Variants in KIF2A observed in about 807,000 individuals in gnomAD.
KIF2A encodes kinesin family member 2A.
KIF2A carries 22 observed loss-of-function variants against 100.2 expected under a neutral mutation model. The observed-to-expected ratio is 0.22, with a 90% CI of 0.16 to 0.31. KIF2A has a LOEUF of 0.31. Among genes scored for constraint, KIF2A ranks in the 10% least tolerant of loss-of-function variants. KIF2A has a pLI of 1.00. For missense variants in KIF2A, 495 were observed against 898.7 expected, an observed-to-expected ratio of 0.55 and a Z score of 5.74; for synonymous variants, 268 against 285.9, an observed-to-expected ratio of 0.94 and a Z score of 0.63.
chr5:62,308,309 G>T, intron 1 of KIF2A: 8 of 1,373,756 alleles, frequency 5.8e-6, no homozygotes, highest in South Asian at 5.1e-5. Flanking sequence ...ATTTTTTTAG[G>T]TAAATACGAG....
chr5:62,374,255 C>G (rs903332172), intron 18 of KIF2A, among the ~76,000 whole-genome samples: 1 of 152,126 alleles, frequency 6.6e-6, no homozygotes, highest in Non-Finnish European at 1.5e-5. Context: ...CAAACTACAG[C>G]CTGTGGGCCA....
At chr5:62,367,291 G>C (rs1371213389) in intron 16 of KIF2A, among the ~76,000 whole-genome samples, 2 of 151,832 alleles carry the variant, frequency 1.3e-5, no homozygotes, top group Non-Finnish European at 2.9e-5. Flanking sequence ...TTTTGAGACA[G>C]AGTCTTGTTC....
rs1028491082 is a variant in KIF2A at position 62,312,011 on chromosome 5, C to G, written c.64+5475C>G. The G allele has an allele frequency of 5.9e-5, 9 of 152,232 alleles. 1 individual carries two copies. Among genetic ancestry groups the G allele is most frequent in the Admixed American group, 4.6e-4 (7 of 15,282 alleles). The allele number at this position is 152,232 out of a possible 1,614,324, so 9.4% of individuals were successfully genotyped here. A position where few individuals can be genotyped will look rare whatever the true frequency, so the allele number is the denominator to read the frequency against. On this transcript the variant is annotated intron_variant, in intron 1 of 20. Transcript: ENST00000407818. ...AAAGCCCGAATCCCTTCACTCCCAG[C>G]TCTCTAAGTGCTGCTGACAGATGTT... is the stretch of plus-strand genomic sequence containing the variant.
chr5:62,335,432 G>C (rs975416712), intron 1 of KIF2A, among the ~76,000 whole-genome samples: 17 of 152,142 alleles, frequency 1.1e-4, no homozygotes, highest in African/African-American at 4.1e-4. Flanking sequence ...CTGTCCCTCA[G>C]ATCCTCTTTG....
intron 4 of KIF2A, 110 bp from the exon 5 acceptor site, chr5:62,352,478 C>A: frequency 1.6e-6 from 1 of 637,230 alleles, no homozygotes; most frequent in Non-Finnish European, 2.6e-6. Flanking sequence ...TGGCAACTTA[C>A]TAATGTAACT....
chr5:62,376,605 G>A (rs1254773865), intron 18 of KIF2A, among the ~76,000 whole-genome samples: 1 of 151,940 alleles, frequency 6.6e-6, no homozygotes, highest in Non-Finnish European at 1.5e-5. Context: ...ATTTTTAGTA[G>A]AGACGGGGTT....
chr5:62,344,064 G>T (rs1396846249), intron 1 of KIF2A, among the ~76,000 whole-genome samples: 2 of 152,082 alleles, frequency 1.3e-5, no homozygotes, highest in African/African-American at 4.8e-5. Context: ...TGCAGTTACC[G>T]GCTGGGCGCA....
intron 1 of KIF2A, among the ~76,000 whole-genome samples, chr5:62,307,768 C>T (rs1287690227): frequency 1.3e-5 from 2 of 151,938 alleles, no homozygotes; most frequent in Admixed American, 1.3e-4. Flanking sequence ...CAGGCGTTGT[C>T]ACCACACCCA....
Position 62,363,654 on chromosome 5 carries a change from G to C in KIF2A, c.1263-41G>C, listed in dbSNP as rs116231822. On this transcript the variant is annotated intron_variant, in intron 13 of 20. Coordinates refer to ENST00000407818, the MANE Select transcript of KIF2A (RefSeq NM_001098511.3). ...ATAATGTGGTTTGAACATGTAAATTGAAGTTTTTAATGTATCAAGATGTCC... is the reference window on the plus strand; with the variant it reads ...ATAATGTGGTTTGAACATGTAAATTCAAGTTTTTAATGTATCAAGATGTCC... 1.3e-3 allele frequency: 1,976 copies of C among 1,526,292 alleles called. 28 individuals carry two copies. In the African/African-American group the frequency reaches 0.023, roughly 18 times the overall value. The allele number at this position is 1,526,292 out of a possible 1,614,324, so 94.5% of individuals were successfully genotyped here.
chr5:62,320,782 C>T (rs1200852789), intron 1 of KIF2A, among the ~76,000 whole-genome samples: 2 of 151,354 alleles, frequency 1.3e-5, no homozygotes, highest in African/African-American at 4.9e-5. Context: ...TAGTTTTAAC[C>T]TAATAAACCT....
At position 62,389,122 on chromosome 5, in the gene KIF2A, A is replaced by G. The variant is rs1485663022; in HGVS notation, c.*3553A>G. 1 of 1,279,986 alleles carries G rather than the reference A, an allele frequency of 7.8e-7. No individual in the cohort carries two copies. The highest frequency in any genetic ancestry group is 1.1e-6 in the Non-Finnish European group (1 of 902,656). 79.3% of individuals were successfully genotyped at this position (1,279,986 alleles called of 1,614,324 possible). ...GTAGCACATAACGGTATATAGTTCT[A>G]TACCATTAATACTAAAACATGAATA... On this transcript the variant is annotated 3_prime_UTR_variant, in exon 21 of 21. Coordinates refer to ENST00000407818, the MANE Select transcript of KIF2A (RefSeq NM_001098511.3).
intron 8 of KIF2A, 32 bp downstream of exon 8, chr5:62,357,777 T>G (rs1748189147): frequency 1.6e-6 from 2 of 1,244,004 alleles, no homozygotes; most frequent in African/African-American, 1.5e-5. Context: ...AATAAAAGAT[T>G]GATTTTATCT....
At chr5:62,317,941 G>C (rs1238558705) in intron 1 of KIF2A, among the ~76,000 whole-genome samples, 1 of 152,116 alleles carries the variant, frequency 6.6e-6, no homozygotes, top group Non-Finnish European at 1.5e-5. Context: ...CAAGACTTTA[G>C]ACAATTTAAA....
intron 1 of KIF2A, among the ~76,000 whole-genome samples, chr5:62,325,921 C>T (rs140490966): frequency 2.0e-5 from 3 of 152,242 alleles, no homozygotes; most frequent in Admixed American, 2.0e-4. Context: ...TAAGCTGGAG[C>T]TAAACATTGG....
intron 1 of KIF2A, among the ~76,000 whole-genome samples, chr5:62,337,760 A>G (rs533190417): frequency 1.4e-4 from 20 of 146,326 alleles, no homozygotes; most frequent in African/African-American, 5.1e-4. Context: ...GTAGTGAGCC[A>G]TGATCACACC....
rs553148285 is a variant in KIF2A at position 62,360,886 on chromosome 5, T to C, written c.873-356T>C. Among the ~76,000 whole-genome samples, 38 of 151,956 alleles carry C rather than the reference T, an allele frequency of 2.5e-4. No individual in the cohort carries two copies. The South Asian group carries it at 7.9e-3, about 31-fold the overall frequency. ...TGGTCTATAGATAATATTTTTGCAG[T>C]TTTTTTCCTCTATTAACTTTTTAAA... is the stretch of plus-strand genomic sequence containing the variant. On this transcript the variant is annotated intron_variant, in intron 9 of 20. Coordinates refer to ENST00000407818, the MANE Select transcript of KIF2A (RefSeq NM_001098511.3).
chr5:62,380,601 C>T (rs530767615), intron 19 of KIF2A, among the ~76,000 whole-genome samples: 6 of 151,976 alleles, frequency 3.9e-5, no homozygotes, highest in Non-Finnish European at 8.8e-5. Flanking sequence ...GAAGCCTTAC[C>T]AATAACATAA....
chr5:62,369,886 G>C lies in KIF2A; in HGVS notation c.1647-2552G>C, dbSNP rs545912608. Among the ~76,000 whole-genome samples, 121 of 152,198 alleles carry C rather than the reference G, an allele frequency of 8.0e-4. 1 individual carries two copies. Among genetic ancestry groups the C allele is most frequent in the Non-Finnish European group, 1.4e-3 (98 of 68,000 alleles). On this transcript the variant is annotated intron_variant, in intron 16 of 20. Coordinates refer to ENST00000407818, the MANE Select transcript of KIF2A (RefSeq NM_001098511.3). ...AAGTGTTATTTCTCAGGACAAAATA[G>C]GTTTAATAACTTCCTTACTACTTAA... is the stretch of plus-strand genomic sequence containing the variant.
chr5:62,353,390 CAT>C lies in KIF2A; in HGVS notation c.558+20_558+21del, dbSNP rs759122457. ...AAAGAGCCCAGGTTCGTAACATAAA[CAT>C]ATATTTTGTTTATGTACCAACCAGA... On this transcript the variant is annotated intron_variant, in intron 6 of 20. Transcript: ENST00000407818. 1.4e-6 allele frequency: 2 copies of C among 1,386,504 alleles called. No individual in the cohort carries two copies. Among genetic ancestry groups the C allele is most frequent in the South Asian group, 1.4e-5 (1 of 71,288 alleles). 85.9% of individuals were successfully genotyped at this position (1,386,504 alleles called of 1,614,324 possible).
Sources: allele counts gnomAD v4.1 joint callset (sites outside exome capture counted in the v4.1 genomes callset), GRCh38; gene constraint gnomAD v4.1.1; transcripts MANE v1.5; gene names NCBI Gene and HGNC (gene_info 2026-07-23, HGNC 2026-07-21).